The following MAST2 variants were observed in gnomAD, a reference collection of about 807,000 sequenced individuals.
MAST2 encodes microtubule-associated serine/threonine-protein kinase 2.
In MAST2, 70 loss-of-function variants were observed where a neutral mutation model predicts 147.4. The ratio of observed to expected loss-of-function variants is 0.47; its 90% CI spans 0.39 to 0.58. The LOEUF (loss-of-function observed/expected upper bound fraction) is 0.58. MAST2 is among the 20% of genes least tolerant of loss of function. The pLI is 0.00. For missense variants in MAST2, 2,080 were observed against 2,302.3 expected (o/e 0.90, Z 1.98); for synonymous variants, 869 against 896.8 (o/e 0.97, Z 0.55).
intron 4 of MAST2, among the ~76,000 whole-genome samples, chr1:45,891,166 G>T (rs556691784): frequency 6.6e-6 from 1 of 152,258 alleles, no homozygotes; most frequent in East Asian, 1.9e-4. Flanking sequence ...CACCTTCACT[G>T]TACAGAATTG....
chr1:46,003,805 C>T (rs1009220675), intron 7 of MAST2, among the ~76,000 whole-genome samples: 1 of 152,078 alleles, frequency 6.6e-6, no homozygotes, highest in Admixed American at 6.5e-5. Flanking sequence ...CAAGGTTGGC[C>T]AACTTTTTCT....
chr1:45,956,518 G>T (rs1049955870), intron 4 of MAST2, among the ~76,000 whole-genome samples: 4 of 152,158 alleles, frequency 2.6e-5, no homozygotes, highest in African/African-American at 7.2e-5. Context: ...CCTTGTTATG[G>T]TCTATGGAAG....
chr1:45,808,171 T>C (rs755060041), intron 1 of MAST2, among the ~76,000 whole-genome samples: 2 of 152,222 alleles, frequency 1.3e-5, no homozygotes, highest in Non-Finnish European at 2.9e-5. Flanking sequence ...TGTGTTGAAA[T>C]GTGCTTCTCT....
At chr1:45,815,965 A>C (rs909434481) in intron 1 of MAST2, among the ~76,000 whole-genome samples, 2 of 152,154 alleles carry the variant, frequency 1.3e-5, no homozygotes, top group African/African-American at 4.8e-5. Flanking sequence ...TCAAACCCCA[A>C]TGTAGTCCTT....
At chr1:45,832,031 C>T (rs368261892) in intron 3 of MAST2, among the ~76,000 whole-genome samples, 1 of 151,974 alleles carries the variant, frequency 6.6e-6, no homozygotes, top group Non-Finnish European at 1.5e-5. Context: ...CCACCTGCCT[C>T]GGCCTCTCAA....
intron 3 of MAST2, among the ~76,000 whole-genome samples, chr1:45,875,771 G>T (rs1646579634): frequency 1.3e-5 from 2 of 152,126 alleles, no homozygotes; most frequent in African/African-American, 4.8e-5. Context: ...TCAAAATAGA[G>T]AACAGAGAAG....
At chr1:45,849,688 A>C (rs969814443) in intron 3 of MAST2, among the ~76,000 whole-genome samples, 1 of 151,922 alleles carries the variant, frequency 6.6e-6, no homozygotes, top group Non-Finnish European at 1.5e-5. Flanking sequence ...CACCACACCC[A>C]GCTAATTTTT....
At chr1:45,869,664 T>C (rs1016811214) in intron 3 of MAST2, among the ~76,000 whole-genome samples, 3 of 152,236 alleles carry the variant, frequency 2.0e-5, no homozygotes. Context: ...TGGTGTGTTA[T>C]ACGTTAATTG....
chr1:45,988,125 G>A (rs1404561532), intron 5 of MAST2, among the ~76,000 whole-genome samples: 1 of 152,004 alleles, frequency 6.6e-6, no homozygotes, highest in Middle Eastern at 3.2e-3. Flanking sequence ...CGATCCTCCT[G>A]CCTCATCCTC....
At chr1:45,997,583 A>G (rs906352126) in intron 5 of MAST2, 141 bp from the exon 6 acceptor site, 4 of 669,250 alleles carry the variant, frequency 6.0e-6, no homozygotes, top group Non-Finnish European at 8.0e-6. Flanking sequence ...TTTTACAGAA[A>G]GAGACTCATT....
intron 28 of MAST2, 45 bp from the exon 29 acceptor site, chr1:46,034,493 C>G (rs1325735211): frequency 6.4e-7 from 1 of 1,572,918 alleles, no homozygotes; most frequent in Non-Finnish European, 8.7e-7. Flanking sequence ...TAACAGCTAA[C>G]ACTGCTCTGC....
chr1:45,983,970 A>G (rs1558003013), intron 5 of MAST2, among the ~76,000 whole-genome samples: 2 of 152,352 alleles, frequency 1.3e-5, no homozygotes, highest in East Asian at 3.9e-4. Context: ...ATGGACGTTT[A>G]GAAATGTTAC....
chr1:45,972,463 G>A (rs1349881338), intron 5 of MAST2, among the ~76,000 whole-genome samples: 1 of 152,200 alleles, frequency 6.6e-6, no homozygotes, highest in Admixed American at 6.5e-5. Flanking sequence ...TCCTTATGAG[G>A]GAAAGTTTTA....
intron 4 of MAST2, among the ~76,000 whole-genome samples, chr1:45,957,938 T>C (rs1333722026): frequency 6.6e-6 from 1 of 152,046 alleles, no homozygotes; most frequent in Non-Finnish European, 1.5e-5. Context: ...CCTTGGGAGG[T>C]AGCAACGTTT....
At chr1:46,020,027 A>G (rs1022382057) in intron 11 of MAST2, among the ~76,000 whole-genome samples, 3 of 152,224 alleles carry the variant, frequency 2.0e-5, no homozygotes, top group South Asian at 2.1e-4. Flanking sequence ...ATCTTCAGCA[A>G]TACTTGACTG....
chr1:45,804,133 T>G, intron 1 of MAST2, 61 bp downstream of exon 1: 11 of 1,248,810 alleles, frequency 8.8e-6, no homozygotes, highest in African/African-American at 1.6e-5. Context: ...GAGGGGATCT[T>G]CGGCGGGAGG....
At chr1:45,868,925 G>A (rs536732718) in intron 3 of MAST2, among the ~76,000 whole-genome samples, 3 of 152,220 alleles carry the variant, frequency 2.0e-5, no homozygotes, top group Middle Eastern at 6.8e-3. Flanking sequence ...AAACATTTCA[G>A]TTTGTACTCT....
intron 4 of MAST2, among the ~76,000 whole-genome samples, chr1:45,941,477 C>A (rs2148802129): frequency 6.6e-6 from 1 of 152,280 alleles, no homozygotes; most frequent in South Asian, 2.1e-4. Flanking sequence ...CCAGGCTGGT[C>A]TTGAACTTCT....
At chr1:45,874,348 T>G (rs1352453092) in intron 3 of MAST2, among the ~76,000 whole-genome samples, 2 of 152,138 alleles carry the variant, frequency 1.3e-5, no homozygotes, top group African/African-American at 4.8e-5. Context: ...CAGGAGATAA[T>G]GTTCCTTTTA....
Sources: allele counts gnomAD v4.1 joint callset (sites outside exome capture counted in the v4.1 genomes callset), GRCh38; gene constraint gnomAD v4.1.1; transcripts MANE v1.5; gene names NCBI Gene and HGNC (gene_info 2026-07-23, HGNC 2026-07-21).